SPATA16: variants seen among roughly 807,000 people sequenced by gnomAD.
SPATA16 encodes the protein spermatogenesis associated 16.
SPATA16 carries 36 observed loss-of-function variants against 63.3 expected under a neutral mutation model. The observed-to-expected ratio is 0.57, with a 90% confidence interval of 0.44 to 0.75. The LOEUF is 0.75. Ranked by LOEUF, SPATA16 falls within the 30% of genes least tolerant of loss-of-function variation. The probability of loss-of-function intolerance (pLI) is 0.00; values close to 1 mark genes in which losing one functional copy is unlikely to be tolerated. For synonymous variants in SPATA16, 203 were observed against 216.7 expected, an observed-to-expected ratio of 0.94 and a Z score of 0.56; for missense variants, 646 against 679.3, an observed-to-expected ratio of 0.95 and a Z score of 0.54.
intron 4 of SPATA16, among the ~76,000 whole-genome samples, chr3:173,000,872 TTC>T (rs1476144548): frequency 6.6e-6 from 1 of 152,150 alleles, no homozygotes; most frequent in African/African-American, 2.4e-5. Context: ...TCTCTAGAAT[TTC>T]TGTTTGATTT....
chr3:172,889,843 C>T, intron 10 of SPATA16, 151 bp from the exon 11 acceptor site: 3 of 1,151,836 alleles, frequency 2.6e-6, no homozygotes, highest in Non-Finnish European at 2.4e-6. Context: ...CACATAAAAG[C>T]CTTCTTCTGT....
intron 2 of SPATA16, among the ~76,000 whole-genome samples, chr3:173,106,106 T>C (rs1277931001): frequency 6.6e-6 from 1 of 152,214 alleles, no homozygotes; most frequent in Non-Finnish European, 1.5e-5. Flanking sequence ...ATATATACAC[T>C]GGAGTGATAA....
chr3:172,917,180 C>T (rs560037269), intron 8 of SPATA16, among the ~76,000 whole-genome samples: 1 of 152,274 alleles, frequency 6.6e-6, no homozygotes, highest in South Asian at 2.1e-4. Flanking sequence ...AAAAAAGTGG[C>T]CCACCAAGGT....
chr3:172,916,668 T>C (rs1732496867), intron 8 of SPATA16, among the ~76,000 whole-genome samples, 187 bp from the exon 9 acceptor site: 1 of 152,168 alleles, frequency 6.6e-6, no homozygotes, highest in South Asian at 2.1e-4. Flanking sequence ...TAGGTAAATA[T>C]ACATAAAAGG....
At chr3:172,993,998 T>C (rs1049133946) in intron 4 of SPATA16, among the ~76,000 whole-genome samples, 2 of 152,172 alleles carry the variant, frequency 1.3e-5, no homozygotes, top group Admixed American at 6.6e-5. Flanking sequence ...ATGGAAGACA[T>C]AGAGTAAAAG....
chr3:173,055,145 G>A (rs1736191424), intron 2 of SPATA16, among the ~76,000 whole-genome samples: 1 of 152,186 alleles, frequency 6.6e-6, no homozygotes, highest in South Asian at 2.1e-4. Context: ...CACTGAGAAT[G>A]TTGAGAAAAT....
chr3:172,942,770 G>A (rs79156224), intron 6 of SPATA16, among the ~76,000 whole-genome samples: 13,277 of 151,986 alleles, frequency 0.087, 1,919 homozygotes, highest in African/African-American at 0.3. Context: ...ATTAATGACA[G>A]TTGACCATAT....
chr3:172,890,962 CATATATATAT>C (rs573970049), intron 10 of SPATA16, among the ~76,000 whole-genome samples: 1 of 147,338 alleles, frequency 6.8e-6, no homozygotes, highest in Non-Finnish European at 1.5e-5. Flanking sequence ...TATATATATA[CATATATATAT>C]ATAATATGTG....
At chr3:172,920,664 C>CT (rs1211630273) in intron 8 of SPATA16, among the ~76,000 whole-genome samples, 1 of 152,034 alleles carries the variant, frequency 6.6e-6, no homozygotes, top group Admixed American at 6.6e-5. Flanking sequence ...GCCAAGTTAA[C>CT]TTTTTTCTAA....
intron 4 of SPATA16, among the ~76,000 whole-genome samples, chr3:173,013,011 A>G (rs190840212): frequency 5.8e-4 from 89 of 152,316 alleles, no homozygotes; most frequent in African/African-American, 2.1e-3. Flanking sequence ...ATATTTCCCA[A>G]TTAAGCATCT....
intron 10 of SPATA16, among the ~76,000 whole-genome samples, chr3:172,893,358 G>A (rs114090992): frequency 0.019 from 2,923 of 152,248 alleles, 30 homozygotes; most frequent in Middle Eastern, 0.058. Flanking sequence ...GCAGAGATTG[G>A]GGTGATGCCC....
intron 4 of SPATA16, among the ~76,000 whole-genome samples, chr3:172,977,757 T>C (rs915454761): frequency 6.6e-6 from 1 of 152,166 alleles, no homozygotes; most frequent in Admixed American, 6.5e-5. Flanking sequence ...CTCCAGAGAT[T>C]CCAAATCCAA....
chr3:173,056,652 C>T (rs1428215005), intron 2 of SPATA16, among the ~76,000 whole-genome samples: 2 of 132,332 alleles, frequency 1.5e-5, no homozygotes, highest in African/African-American at 3.0e-5. Flanking sequence ...TGCAGTAAGC[C>T]GAGATAGTGC....
At chr3:172,916,024 A>G in intron 9 of SPATA16, among the ~76,000 whole-genome samples, 1 of 152,224 alleles carries the variant, frequency 6.6e-6, no homozygotes. Context: ...TCATTTTACC[A>G]AAAACCAGAA....
At chr3:173,055,850 C>T (rs948560643) in intron 2 of SPATA16, among the ~76,000 whole-genome samples, 1 of 152,194 alleles carries the variant, frequency 6.6e-6, no homozygotes, top group Non-Finnish European at 1.5e-5. Context: ...ATAAACGGTA[C>T]ATGAGATCTC....
intron 4 of SPATA16, among the ~76,000 whole-genome samples, chr3:173,007,645 A>G (rs1259257763): frequency 6.6e-6 from 1 of 152,218 alleles, no homozygotes; most frequent in Non-Finnish European, 1.5e-5. Flanking sequence ...TATTTAATCT[A>G]TTTCTCATGA....
intron 5 of SPATA16, among the ~76,000 whole-genome samples, chr3:172,958,785 A>G (rs1360234817): frequency 1.3e-5 from 2 of 151,816 alleles, no homozygotes; most frequent in Non-Finnish European, 2.9e-5. Context: ...GTGTGTGTGC[A>G]CGCACGTGTG....
At chr3:173,056,677 C>G (rs1449753713) in intron 2 of SPATA16, among the ~76,000 whole-genome samples, 2 of 130,478 alleles carry the variant, frequency 1.5e-5, no homozygotes, top group Non-Finnish European at 3.1e-5. Flanking sequence ...GTACTCCAGC[C>G]TGGAGCAACA....
chr3:173,059,480 A>T (rs1394557640), intron 2 of SPATA16, among the ~76,000 whole-genome samples: 1 of 150,270 alleles, frequency 6.7e-6, no homozygotes, highest in Non-Finnish European at 1.5e-5. Flanking sequence ...ACTTTTTCTT[A>T]TATATAAATT....
Sources: allele counts gnomAD v4.1 joint callset (sites outside exome capture counted in the v4.1 genomes callset), GRCh38; gene constraint gnomAD v4.1.1; transcripts MANE v1.5; gene names NCBI Gene and HGNC (gene_info 2026-07-23, HGNC 2026-07-21).